Variants in HIPK2 observed in about 807,000 individuals in gnomAD.
HIPK2 encodes the protein homeodomain interacting protein kinase 2, also known as homeodomain-interacting protein kinase 2.
Under a neutral mutation model 113.7 loss-of-function variants are expected in HIPK2, and 27 were observed. That is an observed-to-expected ratio of 0.24 (90% confidence interval 0.17 to 0.33). The LOEUF is 0.33. HIPK2 is among the 10% of genes least tolerant of loss of function. The pLI is 1.00. For missense variants in HIPK2, 1,257 were observed against 1,588.0 expected (o/e 0.79, Z 3.54); for synonymous variants, 631 against 642.2 (o/e 0.98, Z 0.26).
chr7:139,616,695 C>G (rs1220651183), intron 7 of HIPK2, among the ~76,000 whole-genome samples: 4 of 152,212 alleles, frequency 2.6e-5, no homozygotes, highest in Non-Finnish European at 5.9e-5. Flanking sequence ...TACAATATAG[C>G]CTTCTAGCCC....
intron 2 of HIPK2, among the ~76,000 whole-genome samples, chr7:139,646,338 A>T (rs533632512): frequency 6.5e-4 from 99 of 152,074 alleles, no homozygotes; most frequent in African/African-American, 2.2e-3. Context: ...CCTACAAAAA[A>T]TTTTTTAAAA....
At chr7:139,770,283 T>C (rs900091929) in intron 1 of HIPK2, among the ~76,000 whole-genome samples, 2 of 152,246 alleles carry the variant, frequency 1.3e-5, no homozygotes, top group Non-Finnish European at 2.9e-5. Flanking sequence ...CCTGTGACTT[T>C]TTAAAATTTT....
intron 2 of HIPK2, among the ~76,000 whole-genome samples, chr7:139,649,131 C>T (rs1179151074): frequency 6.6e-6 from 1 of 152,088 alleles, no homozygotes; most frequent in Non-Finnish European, 1.5e-5. Flanking sequence ...CCCGCTGCAG[C>T]CTCATTTCTC....
chr7:139,609,697 A>G (rs565868239), intron 9 of HIPK2, among the ~76,000 whole-genome samples: 1 of 152,324 alleles, frequency 6.6e-6, no homozygotes, highest in South Asian at 2.1e-4. Context: ...AATGTTTAAA[A>G]ATATCTAGGA....
intron 2 of HIPK2, among the ~76,000 whole-genome samples, chr7:139,680,939 G>A (rs942851203): frequency 6.6e-6 from 1 of 152,208 alleles, no homozygotes; most frequent in African/African-American, 2.4e-5. Flanking sequence ...CACCCTCCCC[G>A]CCCCTGGTTT....
At chr7:139,755,723 A>T (rs1796351469) in intron 1 of HIPK2, among the ~76,000 whole-genome samples, 1 of 152,204 alleles carries the variant, frequency 6.6e-6, no homozygotes, top group Non-Finnish European at 1.5e-5. Context: ...CTCATCTGGA[A>T]TACCTCCAGT....
intron 2 of HIPK2, among the ~76,000 whole-genome samples, chr7:139,693,959 A>G (rs1794490314): frequency 6.6e-6 from 1 of 152,226 alleles, no homozygotes; most frequent in Non-Finnish European, 1.5e-5. Flanking sequence ...TCTAAAAACA[A>G]GCCACTTCCA....
chr7:139,653,280 G>A lies in HIPK2; in HGVS notation c.1104-21555C>T, dbSNP rs112438291. ...TCGATGCTAACTCTGGACCTCCTAT[G>A]CCATGGTGCTGAGGCAGGACAACAG... On this transcript the variant is annotated intron_variant, in intron 2 of 14. Transcript: ENST00000406875. Among the ~76,000 whole-genome samples the A allele has an allele frequency of 3.2e-4, 49 of 152,076 alleles. 1 individual carries two copies. Among genetic ancestry groups the A allele is most frequent in the African/African-American group, 1.1e-3 (45 of 41,454 alleles).
At chr7:139,618,327 G>A (rs1800125471) in intron 7 of HIPK2, among the ~76,000 whole-genome samples, 1 of 151,966 alleles carries the variant, frequency 6.6e-6, no homozygotes, top group South Asian at 2.1e-4. Flanking sequence ...GGTGTGTCCT[G>A]AGTAATTTTT....
In HIPK2 at chr7:139,705,652, C is replaced by T. The variant is rs151075158; in HGVS notation, c.1103+10280G>A. On this transcript the variant is annotated intron_variant, in intron 2 of 14. Transcript: ENST00000406875. ...TCGGCCTCCCAAAGTGCTGGGATTA[C>T]AGGTGTGAGGAAGTTTTCTCTTTTA... Among the ~76,000 whole-genome samples the T allele has an allele frequency of 5.9e-3, 902 of 152,202 alleles. 7 individuals are homozygous for T. The highest frequency in any genetic ancestry group is 0.02 in the African/African-American group (848 of 41,518).
At chr7:139,646,395 G>A (rs1261126352) in intron 2 of HIPK2, among the ~76,000 whole-genome samples, 1 of 151,764 alleles carries the variant, frequency 6.6e-6, no homozygotes, top group Non-Finnish European at 1.5e-5. Context: ...AGCTACTCAG[G>A]AGGCTGAGGT....
At chr7:139,620,653 G>A in intron 6 of HIPK2, 90 bp from the exon 7 acceptor site, 1 of 1,494,500 alleles carries the variant, frequency 6.7e-7, no homozygotes, top group Non-Finnish European at 9.1e-7. Flanking sequence ...AAGGAAAGGA[G>A]AGAAGGGTTA....
chr7:139,633,021 G>A (rs1400800611), intron 2 of HIPK2, among the ~76,000 whole-genome samples: 3 of 150,630 alleles, frequency 2.0e-5, no homozygotes, highest in East Asian at 3.9e-4. Flanking sequence ...GCTTGGACCC[G>A]GGAGGTGGAG....
At chr7:139,766,103 G>T (rs901675542) in intron 1 of HIPK2, among the ~76,000 whole-genome samples, 4 of 152,218 alleles carry the variant, frequency 2.6e-5, no homozygotes, top group Admixed American at 2.6e-4. Context: ...CTGGTGGTCA[G>T]GAGTCAGCTC....
intron 9 of HIPK2, among the ~76,000 whole-genome samples, chr7:139,607,924 G>A (rs535479482): frequency 6.0e-4 from 92 of 152,184 alleles, no homozygotes; most frequent in African/African-American, 2.2e-3. Context: ...TTAAAGAACA[G>A]ATTAAACAGT....
rs1195081779 is a variant in HIPK2, at chr7:139,594,180, C to T, written c.2717+2537G>A. Among the ~76,000 whole-genome samples the T allele has an allele frequency of 2.6e-5, 4 of 152,202 alleles. No homozygotes were observed. In the East Asian group the frequency reaches 5.8e-4, roughly 22 times the overall value. Reference sequence around the variant, plus strand: ...ACCTTTGGCCTTCAAAGCCCCCCTCCCCTGCTATTCCCTTAAGCTATTTTC... The same window carrying T: ...ACCTTTGGCCTTCAAAGCCCCCCTCTCCTGCTATTCCCTTAAGCTATTTTC... On this transcript the variant is annotated intron_variant, in intron 12 of 14. Coordinates refer to ENST00000406875, the MANE Select transcript of HIPK2 (RefSeq NM_022740.5).
intron 10 of HIPK2, among the ~76,000 whole-genome samples, chr7:139,603,501 C>T (rs1489793963): frequency 1.3e-5 from 2 of 152,088 alleles, no homozygotes; most frequent in Non-Finnish European, 2.9e-5. Context: ...GTGGACGCCT[C>T]TGGGGTGTGT....
At chr7:139,645,178 T>C (rs761162776) in intron 2 of HIPK2, among the ~76,000 whole-genome samples, 3 of 152,202 alleles carry the variant, frequency 2.0e-5, no homozygotes, top group Admixed American at 6.5e-5. Context: ...GACTGTGCCA[T>C]AGACAAGGCT....
chr7:139,731,976 G>A (rs755360141), intron 1 of HIPK2, among the ~76,000 whole-genome samples: 1 of 152,136 alleles, frequency 6.6e-6, no homozygotes, highest in African/African-American at 2.4e-5. Flanking sequence ...AGGAAGAAAC[G>A]AAAGGAAGAA....
Sources: gnomAD v4.1 joint callset for allele counts (sites outside exome capture counted in the v4.1 genomes callset) on GRCh38, gnomAD v4.1.1 for gene constraint, MANE v1.5 for transcripts, NCBI Gene and HGNC (gene_info 2026-07-23, HGNC 2026-07-21) for gene names.